The following CHD4 variants were observed in gnomAD, a reference collection of about 807,000 sequenced individuals.
CHD4 encodes chromodomain helicase DNA binding protein 4, also known as ATP-dependent chromatin remodeler CHD4.
Under a neutral mutation model 235.5 loss-of-function variants are expected in CHD4, and 35 were observed. The ratio of observed to expected loss-of-function variants is 0.15; its 90% CI spans 0.11 to 0.20. The LOEUF is 0.20. Ranked by LOEUF, CHD4 falls within the 10% of genes least tolerant of loss-of-function variation. The pLI is 1.00. For missense variants in CHD4, 1,329 were observed against 2,432.3 expected, an observed-to-expected ratio of 0.55 and a Z score of 9.54; for synonymous variants, 900 against 850.2, an observed-to-expected ratio of 1.06 and a Z score of -1.02.
At position 6,595,260 on chromosome 12, in the gene CHD4, AGTACC is replaced by A; in HGVS notation, c.2121+69_2121+73del. On this transcript the variant is annotated intron_variant, in intron 14 of 39. Coordinates refer to ENST00000544040, the MANE Select transcript of CHD4 (RefSeq NM_001273.5). ...TACTATCTGCATTTCATTACTTAAGAGTACCATCATTAGACTGCAGCAAAGATACA... is the reference window on the plus strand; with the variant it reads ...TACTATCTGCATTTCATTACTTAAGAATCATTAGACTGCAGCAAAGATACA... 3.2e-6 allele frequency: 4 copies of A among 1,248,472 alleles called. No individual in the cohort carries two copies. In the South Asian group the frequency reaches 5.1e-5, roughly 16 times the overall value. 77.3% of individuals were successfully genotyped at this position (1,248,472 alleles called of 1,614,324 possible).
chr12:6,597,315 G>A (rs7305251), intron 12 of CHD4, among the ~76,000 whole-genome samples: 40,612 of 151,278 alleles, frequency 0.27, 6,870 homozygotes, highest in African/African-American at 0.49. Context: ...ATAATAACAT[G>A]AAGTGTCAGG....
intron 14 of CHD4, 144 bp downstream of exon 14, chr12:6,595,190 A>C: frequency 3.2e-6 from 2 of 619,916 alleles, no homozygotes; most frequent in South Asian, 2.0e-5. Context: ...AGAGATGTGG[A>C]GAAGTGGGGA....
intron 14 of CHD4, among the ~76,000 whole-genome samples, chr12:6,595,088 C>T (rs959421098): frequency 2.6e-5 from 4 of 152,088 alleles, no homozygotes; most frequent in African/African-American, 7.2e-5. Flanking sequence ...CCCCTCCCCC[C>T]AGACAACACT....
In CHD4 at chr12:6,571,192, C is replaced by G. The variant is rs1046896534; in HGVS notation, c.5558-160G>C. On this transcript the variant is annotated intron_variant, in intron 38 of 39. Coordinates refer to ENST00000544040, the MANE Select transcript of CHD4 (RefSeq NM_001273.5). ...CTCCACCATGTTCAAATTCCTACTC[C>G]TCATATTCCAGTTCCAACTGTCCAT... 34 of 790,162 alleles carry G rather than the reference C, an allele frequency of 4.3e-5. No individual in the cohort carries two copies. In the African/African-American group the frequency reaches 5.1e-4, roughly 12 times the overall value. 48.9% of individuals were successfully genotyped at this position (790,162 alleles called of 1,614,324 possible). A position where few individuals can be genotyped will look rare whatever the true frequency, so the allele number is the denominator to read the frequency against.
At chr12:6,575,673 C>T (rs950078169) in intron 37 of CHD4, among the ~76,000 whole-genome samples, 2 of 152,098 alleles carry the variant, frequency 1.3e-5, no homozygotes, top group Admixed American at 1.3e-4. Context: ...GTTTCCATTT[C>T]CCTTGGTCCT....
intron 22 of CHD4, chr12:6,591,122 CAA>C (rs35011913): frequency 0.074 from 1,879 of 25,540 alleles, 79 homozygotes; most frequent in African/African-American, 0.17. Flanking sequence ...GACTCCATCT[CAA>C]AAAAAAAAAA....
chr12:6,587,307 C>T, intron 25 of CHD4, 77 bp downstream of exon 25: 2 of 1,471,442 alleles, frequency 1.4e-6, no homozygotes, highest in South Asian at 2.5e-5. Flanking sequence ...TTCCACTTGT[C>T]TCAAATACCA....
intron 13 of CHD4, among the ~76,000 whole-genome samples, 197 bp downstream of exon 13, chr12:6,595,809 T>C (rs1199985200): frequency 2.4e-5 from 3 of 126,152 alleles, no homozygotes; most frequent in African/African-American, 9.3e-5. Flanking sequence ...AAAAAAAAAA[T>C]CAGCTAGGTG....
intron 35 of CHD4, 74 bp downstream of exon 35, chr12:6,578,335 T>C (rs1429500177): frequency 3.2e-6 from 5 of 1,544,840 alleles, no homozygotes; most frequent in Admixed American, 3.6e-5. Flanking sequence ...AAAGTCCCTG[T>C]ACCGTGGTTT....
In CHD4 at chr12:6,600,994, T is replaced by C. The variant is rs1465630628; in HGVS notation, c.859A>G (p.Lys287Glu). 6.2e-7 allele frequency: 1 copy of C among 1,607,592 alleles called. No individual in the cohort carries two copies. The highest frequency in any genetic ancestry group is 8.5e-7 in the Non-Finnish European group (1 of 1,177,966). ...SPRVPDAKKPKPKKVAPLKIK... is the reference protein window; with the variant it reads ...SPRVPDAKKPEPKKVAPLKIK... ...TTCAGGGGAGCTACTTTCTTGGGTTTAGGCTTCTTGGCATCAGGTACACGA... is the reference window on the plus strand; with the variant it reads ...TTCAGGGGAGCTACTTTCTTGGGTTCAGGCTTCTTGGCATCAGGTACACGA... Residue 287 changes from lysine (K) to glutamate (E), a missense_variant, in exon 7 of 40, where the codon AAA becomes GAA. Coordinates refer to ENST00000544040, the MANE Select transcript of CHD4 (RefSeq NM_001273.5).
chr12:6,585,866 G>A (rs1388208590), intron 25 of CHD4, among the ~76,000 whole-genome samples: 2 of 151,634 alleles, frequency 1.3e-5, no homozygotes, highest in African/African-American at 4.8e-5. Flanking sequence ...GGGAGGCCGA[G>A]GCAGGCGGAT....
chr12:6,598,219 T>C lies in CHD4; in HGVS notation c.1686+3A>G, dbSNP rs61759471. ...CTACATCTCCAGACTATCCTAAACT[T>C]ACCTGCAGTTCAGAAACCCAGGAGC... is the stretch of plus-strand genomic sequence containing the variant. On this transcript the variant is annotated splice_donor_region_variant and intron_variant, in intron 11 of 39. Transcript: ENST00000544040. 6,159 of 1,611,868 alleles carry C rather than the reference T, an allele frequency of 3.8e-3. 209 individuals are homozygous for C. In the African/African-American group the frequency reaches 0.072, roughly 19 times the overall value.
At chr12:6,592,969 AG>A (rs1458168794) in intron 17 of CHD4, 121 bp downstream of exon 17, 1 of 1,516,816 alleles carries the variant, frequency 6.6e-7, no homozygotes, top group Non-Finnish European at 8.9e-7. Context: ...GTCACATACA[AG>A]GAAGGAAGGC....
chr12:6,596,537 C>T (rs544750371), intron 12 of CHD4, among the ~76,000 whole-genome samples: 2 of 152,206 alleles, frequency 1.3e-5, no homozygotes, highest in South Asian at 2.1e-4. Context: ...CGGTGGCTCA[C>T]GCCTATAATC....
rs1446302277 is a variant in CHD4, at chr12:6,598,343, G to A, written c.1565C>T (p.Pro522Leu). ...GGGCGTGTTGGGATCAGCATCTGGA[G>A]GCCGAGGCACTGGTGTGGGAGATGG... ...QPPSPTPVPR[P>L]PDADPNTPSP... The change falls in exon 11 of 40, where the codon CCT becomes CTT. Residue 522 changes from proline to leucine, a missense_variant. This residue lies in a region of CHD4 where 45 missense variants were observed against 47.5 expected (regional missense o/e 0.95). Coordinates refer to ENST00000544040, the MANE Select transcript of CHD4 (RefSeq NM_001273.5). The A allele has an allele frequency of 6.2e-7, 1 of 1,614,168 alleles. No individual in the cohort carries two copies. Among genetic ancestry groups the A allele is most frequent in the East Asian group, 2.2e-5 (1 of 44,880 alleles).
At chr12:6,605,773 A>G (rs930542227) in intron 2 of CHD4, among the ~76,000 whole-genome samples, 2 of 152,204 alleles carry the variant, frequency 1.3e-5, no homozygotes, top group African/African-American at 4.8e-5. Context: ...CACACAGTTC[A>G]GACAGCACAG....
chr12:6,593,748 C>T lies in CHD4; in HGVS notation c.2314-132G>A, dbSNP rs1377273986. ...ACCTGCGCTGCTGCTCCTGCTCTCA[C>T]CTTCCTCTATACAAGTGCCCAGCCC... On this transcript the variant is annotated intron_variant, in intron 15 of 39. Transcript: ENST00000544040. This position sits in a 1 kb window ranked among gnomAD's most constrained non-coding sequence, Gnocchi z 4.9. 2 of 759,178 alleles carry T rather than the reference C, an allele frequency of 2.6e-6. No homozygotes were observed. The highest frequency in any genetic ancestry group is 5.3e-5 in the East Asian group (2 of 37,966). 47.0% of individuals were successfully genotyped at this position (759,178 alleles called of 1,614,324 possible).
At position 6,592,689 on chromosome 12, in the gene CHD4, T is replaced by C; in HGVS notation, c.2774+7A>G. 6.2e-7 allele frequency: 1 copy of C among 1,612,740 alleles called. No individual in the cohort carries two copies. The highest frequency in any genetic ancestry group is 1.3e-5 in the African/African-American group (1 of 74,814). On this transcript the variant is annotated splice_region_variant and intron_variant, in intron 18 of 39. Transcript: ENST00000544040. ...TATGAGCCGATTACAGATAAACACA[T>C]ACTTACTGGAACCTCTCGGGGGTGA...
chr12:6,605,549 C>T (rs893646003), intron 2 of CHD4, among the ~76,000 whole-genome samples: 1 of 152,154 alleles, frequency 6.6e-6, no homozygotes, highest in Non-Finnish European at 1.5e-5. Context: ...CAGCCTAAAC[C>T]GCAGGCTACC....
Sources: gnomAD v4.1 joint callset for allele counts (sites outside exome capture counted in the v4.1 genomes callset) on GRCh38, gnomAD v4.1.1 for gene constraint, gnomAD v4.1.1 regional missense constraint, Gnocchi (gnomAD v3.1) non-coding constraint, MANE v1.5 for transcripts, NCBI Gene and HGNC (gene_info 2026-07-23, HGNC 2026-07-21) for gene names.